The following KCNQ5 variants were observed in gnomAD, a reference collection of about 807,000 sequenced individuals.
The protein encoded by KCNQ5 is potassium voltage-gated channel subfamily KQT member 5.
A neutral mutation model predicts 98.2 loss-of-function variants in KCNQ5; 30 were observed. That is an observed-to-expected ratio of 0.31 (90% confidence interval 0.23 to 0.41). The LOEUF (loss-of-function observed/expected upper bound fraction) is 0.41. KCNQ5 is among the 10% of genes least tolerant of loss of function. The pLI is 1.00. For missense variants in KCNQ5, 835 were observed against 1,182.5 expected (o/e 0.71, Z 4.31); for synonymous variants, 458 against 449.4 (o/e 1.02, Z -0.24).
rs1423807436 is a variant in KCNQ5 at position 73,086,146 on chromosome 6, C to G, written c.918+8259C>G. 7.9e-5 allele frequency among the ~76,000 whole-genome samples: 12 copies of G among 152,100 alleles called. No individual in the cohort carries two copies. The East Asian group carries it at 2.3e-3, about 29-fold the overall frequency. The stretch of plus-strand genomic sequence containing the variant: ...TGTAAAGTTCTACTACATATTCCCT[C>G]TCTCTGACATTGAATGAGTTCTTCC... On this transcript the variant is annotated intron_variant, in intron 5 of 13. Transcript: ENST00000370398.
At chr6:73,123,180 G>A (rs1268098085) in intron 8 of KCNQ5, among the ~76,000 whole-genome samples, 1 of 151,658 alleles carries the variant, frequency 6.6e-6, no homozygotes, top group Non-Finnish European at 1.5e-5. Context: ...TTCAAGGGAT[G>A]TTGGGATAGA....
intron 2 of KCNQ5, among the ~76,000 whole-genome samples, chr6:73,025,397 G>A (rs892117930): frequency 2.6e-5 from 4 of 152,018 alleles, no homozygotes; most frequent in African/African-American, 9.7e-5. Flanking sequence ...TGAGGTGGGC[G>A]GATCACCTGA....
chr6:72,892,852 T>G (rs1273584228), intron 1 of KCNQ5, among the ~76,000 whole-genome samples: 1 of 152,166 alleles, frequency 6.6e-6, no homozygotes. Context: ...TTTTCCTGTT[T>G]AAACAAGAAA....
At chr6:73,176,057 A>G (rs1045261071) in intron 11 of KCNQ5, among the ~76,000 whole-genome samples, 2 of 152,214 alleles carry the variant, frequency 1.3e-5, no homozygotes, top group African/African-American at 2.4e-5. Context: ...AGTAAGGCTG[A>G]AGAGAAGAGC....
At chr6:73,059,012 T>C (rs2150373565) in intron 3 of KCNQ5, among the ~76,000 whole-genome samples, 1 of 152,344 alleles carries the variant, frequency 6.6e-6, no homozygotes, top group East Asian at 1.9e-4. Flanking sequence ...TGGCAATTTC[T>C]CAAAGAACTC....
At chr6:72,689,173 A>T (rs1768091242) in intron 1 of KCNQ5, among the ~76,000 whole-genome samples, 1 of 152,180 alleles carries the variant, frequency 6.6e-6, no homozygotes, top group African/African-American at 2.4e-5. Flanking sequence ...AGAAAACAAA[A>T]ACCATGCAGC....
At chr6:72,864,957 A>C (rs1419801088) in intron 1 of KCNQ5, among the ~76,000 whole-genome samples, 1 of 152,230 alleles carries the variant, frequency 6.6e-6, no homozygotes, top group Non-Finnish European at 1.5e-5. Flanking sequence ...CATCTGAGTC[A>C]ATATTTGTAC....
intron 1 of KCNQ5, among the ~76,000 whole-genome samples, chr6:72,684,838 CTGTG>C (rs566613319): frequency 2.4e-4 from 37 of 151,852 alleles, no homozygotes; most frequent in Admixed American, 1.1e-3. Context: ...GCATTTGTGT[CTGTG>C]TGTGTGTATG....
rs1765728235 is a variant in KCNQ5, at chr6:73,194,895, G to C, written c.2280G>C (p.Leu760=). The C allele has an allele frequency of 1.2e-6, 2 of 1,614,088 alleles. No individual in the cohort carries two copies. Among genetic ancestry groups the C allele is most frequent in the East Asian group, 2.2e-5 (1 of 44,888 alleles). Residue 760 remains leucine, a synonymous_variant, in exon 14 of 14, where the codon CTG becomes CTC. Coordinates refer to ENST00000370398, the MANE Select transcript of KCNQ5 (RefSeq NM_019842.4). ...CTCCTCTCCCAGCCATCAAGCATCT[G>C]CCCAGGCCAGAAACTCTGCACCCTA... ...IPPPLPAIKH[L]PRPETLHPNP...
At chr6:72,752,119 G>A (rs866871247) in intron 1 of KCNQ5, among the ~76,000 whole-genome samples, 1 of 152,120 alleles carries the variant, frequency 6.6e-6, no homozygotes, top group Non-Finnish European at 1.5e-5. Context: ...CATTTGTTGA[G>A]CATCTGTCTT....
At chr6:72,972,034 C>T (rs543438533) in intron 1 of KCNQ5, among the ~76,000 whole-genome samples, 1 of 152,120 alleles carries the variant, frequency 6.6e-6, no homozygotes, top group South Asian at 2.1e-4. Flanking sequence ...CTGTGGCAGA[C>T]ATTTTTAAGT....
chr6:72,631,735 G>T (rs1047801548), intron 1 of KCNQ5, among the ~76,000 whole-genome samples: 1 of 152,110 alleles, frequency 6.6e-6, no homozygotes, highest in Admixed American at 6.5e-5. Flanking sequence ...ACTTAGTTTG[G>T]CAAGAATAAA....
At chr6:72,783,714 T>C (rs1180455170) in intron 1 of KCNQ5, among the ~76,000 whole-genome samples, 1 of 152,358 alleles carries the variant, frequency 6.6e-6, no homozygotes, top group Non-Finnish European at 1.5e-5. Flanking sequence ...CATTACCCAA[T>C]GTCACCTGGT....
intron 1 of KCNQ5, among the ~76,000 whole-genome samples, chr6:72,698,041 C>A (rs1768593289): frequency 6.6e-6 from 1 of 152,070 alleles, no homozygotes. Flanking sequence ...CATAGTGAGA[C>A]CCTTTCTCTA....
intron 1 of KCNQ5, among the ~76,000 whole-genome samples, chr6:72,823,179 C>T: frequency 6.6e-6 from 1 of 152,142 alleles, no homozygotes; most frequent in East Asian, 1.9e-4. Flanking sequence ...ACGTGTAATA[C>T]TTTTCACATA....
At chr6:72,751,351 A>G (rs1304844293) in intron 1 of KCNQ5, among the ~76,000 whole-genome samples, 1 of 152,034 alleles carries the variant, frequency 6.6e-6, no homozygotes, top group Non-Finnish European at 1.5e-5. Flanking sequence ...AGATGAAAAC[A>G]TAAGTCGAAG....
intron 9 of KCNQ5, among the ~76,000 whole-genome samples, chr6:73,125,141 G>A (rs964788701): frequency 2.7e-5 from 4 of 149,968 alleles, no homozygotes; most frequent in African/African-American, 9.8e-5. Context: ...GTCTACTCAA[G>A]TGACTCAAAG....
At chr6:73,179,984 CAAT>C (rs1430117824) in intron 11 of KCNQ5, among the ~76,000 whole-genome samples, 1 of 144,228 alleles carries the variant, frequency 6.9e-6, no homozygotes, top group Non-Finnish European at 1.5e-5. Flanking sequence ...AATAGGCACT[CAAT>C]AAATGTTTGA....
chr6:72,766,755 G>A (rs936174268), intron 1 of KCNQ5, among the ~76,000 whole-genome samples: 3 of 151,868 alleles, frequency 2.0e-5, no homozygotes, highest in Non-Finnish European at 4.4e-5. Flanking sequence ...TATGTTGGGG[G>A]CAATAAGGGA....
Sources: gnomAD v4.1 joint callset for allele counts (sites outside exome capture counted in the v4.1 genomes callset) on GRCh38, gnomAD v4.1.1 for gene constraint, MANE v1.5 for transcripts, NCBI Gene and HGNC (gene_info 2026-07-23, HGNC 2026-07-21) for gene names.